Variants in CHGB observed in about 807,000 individuals in gnomAD.
CHGB encodes chromogranin B, also known as secretogranin-1.
CHGB carries 46 observed loss-of-function variants against 69.9 expected under a neutral mutation model. The observed-to-expected ratio is 0.66, with a 90% CI of 0.52 to 0.84. The LOEUF (loss-of-function observed/expected upper bound fraction) is 0.84. Ranked by LOEUF, CHGB falls within the 40% of genes least tolerant of loss-of-function variation. CHGB has a pLI of 0.00. For missense variants in CHGB, 796 were observed against 822.2 expected (o/e 0.97, Z 0.39); for synonymous variants, 312 against 298.2 (o/e 1.05, Z -0.48).
chr20:5,920,862 T>C (rs964003096), intron 3 of CHGB, among the ~76,000 whole-genome samples: 7 of 152,188 alleles, frequency 4.6e-5, no homozygotes, highest in African/African-American at 1.7e-4. Flanking sequence ...CTCATAAACA[T>C]GAGAATATTA....
chr20:5,914,167 A>G (rs1319641216), intron 1 of CHGB, among the ~76,000 whole-genome samples: 1 of 152,100 alleles, frequency 6.6e-6, no homozygotes, highest in African/African-American at 2.4e-5. Flanking sequence ...CTGTTGTGCC[A>G]CCTGAATCTT....
Position 5,916,341 on chromosome 20 carries a change from C to T in CHGB, c.65C>T (p.Pro22Leu), listed in dbSNP as rs1166327706. The T allele has an allele frequency of 9.3e-6, 15 of 1,613,628 alleles. No homozygotes were observed. The highest frequency in any genetic ancestry group is 2.2e-5 in the East Asian group (1 of 44,872). The change falls in exon 2 of 5, where the codon CCA becomes CTA. Residue 22 changes from proline to leucine, a missense_variant. By Grantham distance (98) the Pro-to-Leu change is moderately conservative. Around this residue, in one of 3 missense-constraint regions of CHGB, gnomAD observed 518 missense variants for 506.3 expected, o/e 1.02. Coordinates refer to ENST00000378961, the MANE Select transcript of CHGB (RefSeq NM_001819.3). ...AVGLAAVNSMPVDNRNHNEGM... is the reference protein window; with the variant it reads ...AVGLAAVNSMLVDNRNHNEGM... ...TCCTTCAAAGCTGTCAATTCCATGC[C>T]AGTGGATAACAGGAACCACAATGAA...
intron 3 of CHGB, among the ~76,000 whole-genome samples, chr20:5,919,961 T>A (rs1270464442): frequency 6.6e-6 from 1 of 152,262 alleles, no homozygotes; most frequent in Admixed American, 6.5e-5. Context: ...GTCTAATTTC[T>A]TCACAGGTAC....
Position 5,911,656 on chromosome 20 carries a change from G to T in CHGB, c.23G>T (p.Ser8Ile). The change falls in exon 1 of 5, where the codon AGC becomes ATC. Residue 8 changes from serine to isoleucine, a missense_variant. Transcript: ENST00000378961. ...GCCATGCAGCCAACGCTGCTTCTCA[G>T]CCTCCTGGGAGCCGTGGGGCTGGCG... MQPTLLL[S>I]LLGAVGLAAV... The T allele has an allele frequency of 6.6e-7, 1 of 1,507,188 alleles. No individual in the cohort carries two copies. Among genetic ancestry groups the T allele is most frequent in the African/African-American group, 1.4e-5 (1 of 68,984 alleles). The allele number at this position is 1,507,188 out of a possible 1,614,324, so 93.4% of individuals were successfully genotyped here. A position where few individuals can be genotyped will look rare whatever the true frequency, so the allele number is the denominator to read the frequency against.
intron 3 of CHGB, chr20:5,917,181 T>C (rs897585502): frequency 4.2e-6 from 2 of 479,732 alleles, no homozygotes; most frequent in Admixed American, 6.7e-5. Flanking sequence ...AACTCAGTGA[T>C]AGTCTTTCAG....
intron 3 of CHGB, among the ~76,000 whole-genome samples, chr20:5,920,666 C>T (rs1338520775): frequency 6.6e-6 from 1 of 152,254 alleles, no homozygotes; most frequent in East Asian, 1.9e-4. Context: ...AGGGCTTCAA[C>T]ATTTTGGAAT....
Position 5,916,838 on chromosome 20 carries a change from A to C in CHGB, c.109A>C (p.Ile37Leu). The change falls in exon 3 of 5, where the codon ATC becomes CTC. Residue 37 changes from isoleucine (I) to leucine (L), a missense_variant. Ile to Leu is a conservative substitution (Grantham distance 5). Coordinates refer to ENST00000378961, the MANE Select transcript of CHGB (RefSeq NM_001819.3). ...GGTTTCCCCCCAGGTGACTCGCTGC[A>C]TCATTGAGGTCCTCTCAAATGCCTT... is the stretch of plus-strand genomic sequence containing the variant. ...NHNEGMVTRC[I>L]IEVLSNALSK... 1 of 1,614,170 alleles carries C rather than the reference A, an allele frequency of 6.2e-7. No individual in the cohort carries two copies. Among genetic ancestry groups the C allele is most frequent in the South Asian group, 1.1e-5 (1 of 91,084 alleles).
Position 5,916,979 on chromosome 20 carries a change from C to T in CHGB, c.190+60C>T, listed in dbSNP as rs1032611134. The T allele has an allele frequency of 4.9e-6, 7 of 1,424,448 alleles. No homozygotes were observed. The African/African-American group carries it at 8.4e-5, about 17-fold the overall frequency. The allele number at this position is 1,424,448 out of a possible 1,614,324, so 88.2% of individuals were successfully genotyped here. Reference sequence around the variant, plus strand: ...CTGCAGTGATCCTTGTTCCTACTCCCTCCACATCACCTTCTACTTTATCTA... The same window carrying T: ...CTGCAGTGATCCTTGTTCCTACTCCTTCCACATCACCTTCTACTTTATCTA... On this transcript the variant is annotated intron_variant, in intron 3 of 4. Transcript: ENST00000378961.
intron 2 of CHGB, 96 bp downstream of exon 2, chr20:5,916,468 A>G (rs1350464221): frequency 2.8e-6 from 3 of 1,089,456 alleles, no homozygotes; most frequent in Non-Finnish European, 1.4e-6. Flanking sequence ...GCATGACATA[A>G]TCTTACAAAG....
rs777479672 is a variant in CHGB at position 5,922,983 on chromosome 20, G to C, written c.839G>C (p.Arg280Thr). 1.2e-6 allele frequency: 2 copies of C among 1,610,344 alleles called. No homozygotes were observed. The highest frequency in any genetic ancestry group is 2.2e-5 in the South Asian group (2 of 90,766). ...ATSEVDKRRT[R>T]PRHHHGRSRP... Reference sequence around the variant, plus strand: ...TCTGAGGTGGACAAACGACGCACGAGGCCCAGACACCACCACGGGAGGAGC... The same window carrying C: ...TCTGAGGTGGACAAACGACGCACGACGCCCAGACACCACCACGGGAGGAGC... The change falls in exon 4 of 5, where the codon AGG (arginine) becomes ACG (threonine). Residue 280 changes from arginine (R) to threonine (T), a missense_variant. Arg to Thr is a moderately conservative substitution (Grantham distance 71). Transcript: ENST00000378961.
In CHGB at chr20:5,923,757, GAA is replaced by G; in HGVS notation, c.1614_1615del (p.Asp540GlnfsTer4). ...CAGTGGAAGAGCAGCCATTTTGAAA[GAA>G]GAGACAACATGAATGACAATTTTCT... On this transcript the variant is annotated frameshift_variant, in exon 4 of 5. Coordinates refer to ENST00000378961, the MANE Select transcript of CHGB (RefSeq NM_001819.3). LOFTEE classifies it high-confidence loss of function. 6.2e-7 allele frequency: 1 copy of G among 1,614,216 alleles called. No homozygotes were observed. Among genetic ancestry groups the G allele is most frequent in the South Asian group, 1.1e-5 (1 of 91,082 alleles).
At position 5,923,451 on chromosome 20, in the gene CHGB, A is replaced by G; in HGVS notation, c.1307A>G (p.Glu436Gly). Reference protein sequence around the residue: ...PRAYFMSDTREEKRFLGEGHH... With the variant: ...PRAYFMSDTRGEKRFLGEGHH... ...GCCTATTTCATGTCTGACACCAGAGAAGAGAAAAGGTTCTTGGGTGAAGGA... is the reference window on the plus strand; with the variant it reads ...GCCTATTTCATGTCTGACACCAGAGGAGAGAAAAGGTTCTTGGGTGAAGGA... The change falls in exon 4 of 5, where the codon GAA becomes GGA. Residue 436 changes from glutamate to glycine, a missense_variant. By Grantham distance (98) the Glu-to-Gly change is moderately conservative. Transcript: ENST00000378961. 1 of 1,614,138 alleles carries G rather than the reference A, an allele frequency of 6.2e-7. No individual in the cohort carries two copies.
At position 5,919,216 on chromosome 20, in the gene CHGB, G is replaced by T. The variant is rs574381741; in HGVS notation, c.190+2297G>T. ...CTGCCTGCCAAGATCTTAGCCCTTA[G>T]ATTATGGCATAGTAACTCTAGCCTC... On this transcript the variant is annotated intron_variant, in intron 3 of 4. Coordinates refer to ENST00000378961, the MANE Select transcript of CHGB (RefSeq NM_001819.3). Among the ~76,000 whole-genome samples the T allele has an allele frequency of 2.3e-4, 35 of 152,328 alleles. 1 individual carries two copies. The highest frequency in any genetic ancestry group is 8.4e-4 in the African/African-American group (35 of 41,566).
intron 3 of CHGB, among the ~76,000 whole-genome samples, chr20:5,921,982 A>G (rs1055038621): frequency 3.3e-5 from 5 of 152,210 alleles, no homozygotes; most frequent in African/African-American, 9.6e-5. Flanking sequence ...GTCTGCAAAA[A>G]GAAGAGGTTG....
intron 3 of CHGB, among the ~76,000 whole-genome samples, chr20:5,921,234 T>G (rs2088512057): frequency 6.6e-6 from 1 of 152,216 alleles, no homozygotes; most frequent in Non-Finnish European, 1.5e-5. Flanking sequence ...TTATTTTACA[T>G]TATTCTTTAT....
chr20:5,920,349 A>G (rs894409859), intron 3 of CHGB, among the ~76,000 whole-genome samples: 1 of 152,204 alleles, frequency 6.6e-6, no homozygotes, highest in Admixed American at 6.5e-5. Flanking sequence ...TGACATCAGT[A>G]TCTGTCTGTC....
At position 5,923,815 on chromosome 20, in the gene CHGB, G is replaced by T. The variant is rs879137175; in HGVS notation, c.1671G>T (p.Leu557Phe). Residue 557 changes from leucine to phenylalanine, a missense_variant, in exon 4 of 5, where the codon TTG (leucine) becomes TTT (phenylalanine). Transcript: ENST00000378961. ...GTGAGGAGGAAAATGAGCTGACCTT[G>T]AACGAGAAGAATTTCTTCCCAGAAT... is the stretch of plus-strand genomic sequence containing the variant. ...LEGEEENELT[L>F]NEKNFFPEYN... is the part of the protein sequence containing the mutation. The T allele has an allele frequency of 1.2e-6, 2 of 1,614,186 alleles. No homozygotes were observed. Among genetic ancestry groups the T allele is most frequent in the South Asian group, 2.2e-5 (2 of 91,070 alleles).
At chr20:5,920,066 C>T (rs1164258700) in intron 3 of CHGB, among the ~76,000 whole-genome samples, 3 of 152,228 alleles carry the variant, frequency 2.0e-5, no homozygotes, top group Non-Finnish European at 4.4e-5. Context: ...AGCTTCACAG[C>T]TTGATTTTAC....
In CHGB at chr20:5,911,680, C is replaced by T. The variant is rs1008938086; in HGVS notation, c.47C>T (p.Ala16Val). ...LLSLLGAVGL[A>V]AVNSMPVDNR... is the part of the protein sequence containing the mutation. Reference sequence around the variant, plus strand: ...AGCCTCCTGGGAGCCGTGGGGCTGGCGGGTGAGTGGGCGCGGCGGGCCGGT... The same window carrying T: ...AGCCTCCTGGGAGCCGTGGGGCTGGTGGGTGAGTGGGCGCGGCGGGCCGGT... The change falls in exon 1 of 5, where the codon GCG becomes GTG. Residue 16 changes from alanine (A) to valine (V), a missense_variant and splice_region_variant. Around this residue, in one of 3 missense-constraint regions of CHGB, gnomAD observed 518 missense variants for 506.3 expected, o/e 1.02. Coordinates refer to ENST00000378961, the MANE Select transcript of CHGB (RefSeq NM_001819.3). 3 of 1,469,350 alleles carry T rather than the reference C, an allele frequency of 2.0e-6. No individual in the cohort carries two copies. Among genetic ancestry groups the T allele is most frequent in the Admixed American group, 2.5e-5 (1 of 40,752 alleles). 91.0% of individuals were successfully genotyped at this position (1,469,350 alleles called of 1,614,324 possible).
Sources: gnomAD v4.1 joint callset for allele counts (sites outside exome capture counted in the v4.1 genomes callset) on GRCh38, gnomAD v4.1.1 for gene constraint, gnomAD v4.1.1 regional missense constraint, MANE v1.5 for transcripts, NCBI Gene and HGNC (gene_info 2026-07-23, HGNC 2026-07-21) for gene names.